SCNN1B: variants seen among roughly 807,000 people sequenced by gnomAD.
The protein encoded by SCNN1B is sodium channel epithelial 1 subunit beta, also known as epithelial sodium channel subunit beta.
Under a neutral mutation model 65.3 loss-of-function variants are expected in SCNN1B, and 46 were observed. The observed-to-expected ratio is 0.70, with a 90% CI of 0.56 to 0.90. The LOEUF is 0.90. SCNN1B is among the 40% of genes least tolerant of loss of function. SCNN1B has a pLI of 0.00. For missense variants in SCNN1B, 751 were observed against 830.5 expected, an observed-to-expected ratio of 0.90 and a Z score of 1.18; for synonymous variants, 349 against 330.6, an observed-to-expected ratio of 1.06 and a Z score of -0.60.
At chr16:23,303,414 C>T (rs763613423) in intron 1 of SCNN1B, among the ~76,000 whole-genome samples, 4 of 152,088 alleles carry the variant, frequency 2.6e-5, no homozygotes, top group Non-Finnish European at 5.9e-5. Flanking sequence ...TCCCAGCATC[C>T]GTGAGTGACC....
intron 7 of SCNN1B, among the ~76,000 whole-genome samples, chr16:23,374,925 C>T (rs1206484443): frequency 2.6e-5 from 4 of 152,108 alleles, no homozygotes. Context: ...CCGTGCAGCG[C>T]TTCCTGAGCA....
upstream of SCNN1B, among the ~76,000 whole-genome samples, chr16:23,300,710 A>G (rs1961063401): frequency 2.0e-5 from 3 of 152,106 alleles, no homozygotes; most frequent in Non-Finnish European, 2.9e-5. Context: ...AAGCAGTGGC[A>G]CACACACCTT....
chr16:23,355,568 GC>G, intron 4 of SCNN1B, 79 bp downstream of exon 4: 1 of 1,455,602 alleles, frequency 6.9e-7, no homozygotes, highest in Non-Finnish European at 9.5e-7. Flanking sequence ...AGCACAGCCT[GC>G]CAGGGTTCCA....
chr16:23,296,668 G>A (rs913538533), intron 2 of SCNN1B, among the ~76,000 whole-genome samples: 1 of 152,126 alleles, frequency 6.6e-6, no homozygotes, highest in East Asian at 1.9e-4. Flanking sequence ...GTCACAGGCA[G>A]GGAAGCACCC....
chr16:23,317,539 G>A (rs1961497511), intron 1 of SCNN1B, among the ~76,000 whole-genome samples: 1 of 152,168 alleles, frequency 6.6e-6, no homozygotes, highest in African/African-American at 2.4e-5. Context: ...AGAGTTCAGA[G>A]CTGATGCTGC....
intron 2 of SCNN1B, among the ~76,000 whole-genome samples, chr16:23,296,994 A>AC (rs1383188112): frequency 7.9e-4 from 118 of 149,364 alleles, no homozygotes; most frequent in African/African-American, 2.7e-3. Flanking sequence ...TCAAAACAAA[A>AC]AAAAAAAAAA....
intron 1 of SCNN1B, chr16:23,323,564 C>T (rs1203185517): frequency 1.4e-6 from 1 of 702,968 alleles, no homozygotes; most frequent in Admixed American, 2.0e-5. Context: ...ATGGGGAAAC[C>T]AGGGCACAGA....
Position 23,342,754 on chromosome 16 carries a change from C to G in SCNN1B, c.-8-5838C>G, listed in dbSNP as rs374747243. ...GCCATCCTGGGCTGCCTGTGGCCTG[C>G]AGGCCGCAGGATGGAAAAGCTTGAT... On this transcript the variant is annotated intron_variant, in intron 1 of 12. Coordinates refer to ENST00000343070, the MANE Select transcript of SCNN1B (RefSeq NM_000336.3). 5.3e-5 allele frequency among the ~76,000 whole-genome samples: 8 copies of G among 152,240 alleles called. No homozygotes were observed. In the South Asian group the frequency reaches 6.2e-4, roughly 12 times the overall value.
In SCNN1B at chr16:23,376,345, CGTGTGTGT is replaced by C. The variant is rs10584896; in HGVS notation, c.1270+512_1270+519del. On this transcript the variant is annotated intron_variant, in intron 8 of 12. Transcript: ENST00000343070. ...ATTTGTGCACTCTGGCTTTTGTGCA[CGTGTGTGT>C]GTGTGTGTGTGTGTGTGTGTGCACG... Among the ~76,000 whole-genome samples, 474 of 148,530 alleles carry C rather than the reference CGTGTGTGT, an allele frequency of 3.2e-3. 4 individuals are homozygous for C. Among genetic ancestry groups the C allele is most frequent in the African/African-American group, 0.01 (413 of 40,642 alleles).
chr16:23,366,384 T>TATTA (rs1194121071), intron 4 of SCNN1B, among the ~76,000 whole-genome samples: 1 of 151,952 alleles, frequency 6.6e-6, no homozygotes, highest in Admixed American at 6.6e-5. Flanking sequence ...TATTTTATTT[T>TATTA]ATTTTTTATT....
intron 4 of SCNN1B, among the ~76,000 whole-genome samples, chr16:23,365,602 AAAGAAAGAAAGAAAG>A (rs1218921750): frequency 1.0e-5 from 1 of 98,170 alleles, no homozygotes; most frequent in Non-Finnish European, 2.2e-5. Context: ...AGAAAGAAAG[AAAGAAAGAAAGAAAG>A]AAAAAAGAAA....
intron 4 of SCNN1B, among the ~76,000 whole-genome samples, chr16:23,366,032 C>A (rs181157422): frequency 6.2e-4 from 94 of 152,282 alleles, no homozygotes; most frequent in Admixed American, 2.9e-3. Flanking sequence ...AATGAGATCA[C>A]GAATACAGAA....
At chr16:23,305,549 T>TA (rs1961184774) in intron 1 of SCNN1B, among the ~76,000 whole-genome samples, 2 of 34,554 alleles carry the variant, frequency 5.8e-5, no homozygotes, top group Non-Finnish European at 8.4e-5. Flanking sequence ...TATATATATA[T>TA]ATATATATAT....
At chr16:23,360,363 C>T (rs1051488778) in intron 4 of SCNN1B, among the ~76,000 whole-genome samples, 2 of 151,844 alleles carry the variant, frequency 1.3e-5, no homozygotes, top group South Asian at 2.1e-4. Flanking sequence ...TAGTGAGACC[C>T]CCCATCTCTA....
chr16:23,330,861 G>A (rs1017600407), intron 1 of SCNN1B, among the ~76,000 whole-genome samples: 3 of 151,994 alleles, frequency 2.0e-5, no homozygotes, highest in Non-Finnish European at 4.4e-5. Flanking sequence ...ATGCCCGGCC[G>A]AGATCTCTTA....
intron 3 of SCNN1B, among the ~76,000 whole-genome samples, chr16:23,354,398 C>T (rs1962374098): frequency 6.6e-6 from 1 of 152,248 alleles, no homozygotes; most frequent in Non-Finnish European, 1.5e-5. Flanking sequence ...CCAGGGGAAG[C>T]TTCTCTATCC....
chr16:23,376,799 A>C (rs1266466715), intron 8 of SCNN1B, among the ~76,000 whole-genome samples: 1 of 152,084 alleles, frequency 6.6e-6, no homozygotes, highest in Non-Finnish European at 1.5e-5. Flanking sequence ...AGAGAGAATA[A>C]AAAGAATGCT....
chr16:23,372,083 T>A, intron 7 of SCNN1B, 200 bp downstream of exon 7: 1 of 634,516 alleles, frequency 1.6e-6, no homozygotes, highest in Admixed American at 2.3e-5. Flanking sequence ...CCACTTCTCA[T>A]CCCCACATTG....
intron 1 of SCNN1B, among the ~76,000 whole-genome samples, chr16:23,326,428 T>G (rs1284052228): frequency 6.6e-6 from 1 of 152,162 alleles, no homozygotes; most frequent in Non-Finnish European, 1.5e-5. Flanking sequence ...TGCACATAGA[T>G]GCATATAAAC....
Sources: gnomAD v4.1 joint callset for allele counts (sites outside exome capture counted in the v4.1 genomes callset) on GRCh38, gnomAD v4.1.1 for gene constraint, MANE v1.5 for transcripts, NCBI Gene and HGNC (gene_info 2026-07-23, HGNC 2026-07-21) for gene names.